The following CCNJL variants were observed in gnomAD, a reference collection of about 807,000 sequenced individuals.
CCNJL encodes cyclin J like.
Under a neutral mutation model 33.4 loss-of-function variants are expected in CCNJL, and 33 were observed. That is an observed-to-expected ratio of 0.99 (90% CI 0.75 to 1.32). CCNJL has a LOEUF of 1.32. CCNJL is among the 40% of genes most tolerant of loss of function. The pLI is 0.00. For synonymous variants in CCNJL, 227 were observed against 220.9 expected (o/e 1.03, Z -0.24); for missense variants, 512 against 499.7 (o/e 1.02, Z -0.23).
intron 1 of CCNJL, among the ~76,000 whole-genome samples, chr5:160,318,900 T>C (rs1763408391): frequency 6.6e-6 from 1 of 152,226 alleles, no homozygotes; most frequent in African/African-American, 2.4e-5. Context: ...CTCTTGCTAA[T>C]ACTTTACATT....
intron 4 of CCNJL, among the ~76,000 whole-genome samples, chr5:160,257,266 G>A (rs561048362): frequency 6.6e-6 from 1 of 151,674 alleles, no homozygotes; most frequent in Non-Finnish European, 1.5e-5. Context: ...ACGAGGTCAG[G>A]AGATCGAGAC....
At chr5:160,267,450 C>T (rs1284042400) in intron 3 of CCNJL, among the ~76,000 whole-genome samples, 1 of 152,194 alleles carries the variant, frequency 6.6e-6, no homozygotes, top group African/African-American at 2.4e-5. Context: ...ACCACAGATC[C>T]TGTTCACCTA....
chr5:160,254,488 G>A lies in CCNJL; in HGVS notation c.744-690C>T, dbSNP rs1049540678. On this transcript the variant is annotated intron_variant, in intron 5 of 5. Transcript: ENST00000257536. ...ACACAAATTTTAAAATAAGGCCTAC[G>A]GAGTAGGACTGACTTTTCAGAGGAA... 8 of 471,454 alleles carry A rather than the reference G, an allele frequency of 1.7e-5. 1 individual carries two copies. Among genetic ancestry groups the A allele is most frequent in the South Asian group, 8.6e-5 (2 of 23,320 alleles). 29.2% of individuals were successfully genotyped at this position (471,454 alleles called of 1,614,324 possible). A position where few individuals can be genotyped will look rare whatever the true frequency, so the allele number is the denominator to read the frequency against.
chr5:160,263,337 TCTG>T (rs1247117679), intron 3 of CCNJL, among the ~76,000 whole-genome samples: 3 of 152,236 alleles, frequency 2.0e-5, no homozygotes, highest in African/African-American at 4.8e-5. Flanking sequence ...TCAGTCCACA[TCTG>T]ACTTTCTCCA....
At chr5:160,322,114 G>GATC (rs1423728855) in intron 1 of CCNJL, among the ~76,000 whole-genome samples, 3 of 152,186 alleles carry the variant, frequency 2.0e-5, no homozygotes, top group African/African-American at 7.2e-5. Flanking sequence ...GAGCCTATAG[G>GATC]ATCTGCTGAT....
intron 2 of CCNJL, among the ~76,000 whole-genome samples, chr5:160,284,169 T>C (rs997888919): frequency 2.6e-5 from 4 of 151,944 alleles, no homozygotes; most frequent in Admixed American, 6.6e-5. Context: ...CTGGGCAACA[T>C]GGCAAAACCC....
chr5:160,303,748 T>A (rs1345921277), intron 2 of CCNJL, among the ~76,000 whole-genome samples: 2 of 139,034 alleles, frequency 1.4e-5, no homozygotes, highest in Non-Finnish European at 1.6e-5. Context: ...GTGTGTGTAA[T>A]AACTCAAAAA....
intron 1 of CCNJL, among the ~76,000 whole-genome samples, chr5:160,336,205 G>A (rs141116772): frequency 2.3e-3 from 358 of 152,342 alleles, no homozygotes; most frequent in African/African-American, 7.5e-3. Context: ...GTTGATGACA[G>A]TCCTCAAAAG....
chr5:160,299,645 A>G (rs919027776), intron 2 of CCNJL, among the ~76,000 whole-genome samples: 3 of 150,422 alleles, frequency 2.0e-5, no homozygotes, highest in African/African-American at 7.3e-5. Context: ...TGGTAGTGCC[A>G]TTTATGGGTA....
Position 160,251,188 on chromosome 5 carries a change from T to A in CCNJL, c.*2190A>T, listed in dbSNP as rs1160001815. On this transcript the variant is annotated 3_prime_UTR_variant, in exon 6 of 6. Transcript: ENST00000257536. ...GGTAAAAGGTCGTAAGAGCAAAGAT[T>A]GAGGTTTCCTGGAGAATAAATTTTG... The A allele has an allele frequency of 6.6e-6, 1 of 152,228 alleles. No individual in the cohort carries two copies. Among genetic ancestry groups the A allele is most frequent in the East Asian group, 1.9e-4 (1 of 5,200 alleles). The allele number at this position is 152,228 out of a possible 1,614,324, so 9.4% of individuals were successfully genotyped here.
chr5:160,309,351 C>G (rs1763193810), intron 2 of CCNJL, among the ~76,000 whole-genome samples: 1 of 152,148 alleles, frequency 6.6e-6, no homozygotes. Context: ...ACTGGGGCTC[C>G]CAACGTCTCA....
At chr5:160,292,667 T>C (rs10069206) in intron 2 of CCNJL, among the ~76,000 whole-genome samples, 20,812 of 144,252 alleles carry the variant, frequency 0.14, 1,444 homozygotes, top group African/African-American at 0.19. Flanking sequence ...CATGTGTGTG[T>C]ATATATATAT....
intron 3 of CCNJL, among the ~76,000 whole-genome samples, chr5:160,261,577 T>A (rs1162840686): frequency 6.6e-6 from 1 of 152,030 alleles, no homozygotes; most frequent in Non-Finnish European, 1.5e-5. Context: ...AATCCCAGGG[T>A]TGAGGCTCTG....
At chr5:160,320,854 T>TTTCC (rs1561812566) in intron 1 of CCNJL, among the ~76,000 whole-genome samples, 8 of 139,884 alleles carry the variant, frequency 5.7e-5, no homozygotes, top group African/African-American at 8.2e-5. Context: ...TCTTTCCTTC[T>TTTCC]TTCTTTCTTT....
At chr5:160,293,376 G>A (rs568201996) in intron 2 of CCNJL, among the ~76,000 whole-genome samples, 2 of 152,306 alleles carry the variant, frequency 1.3e-5, no homozygotes, top group East Asian at 3.9e-4. Flanking sequence ...GCAGTGGGCT[G>A]CATTCCAGCC....
chr5:160,310,855 AGAAG>A (rs1304536161), intron 2 of CCNJL, among the ~76,000 whole-genome samples: 1 of 152,204 alleles, frequency 6.6e-6, no homozygotes, highest in African/African-American at 2.4e-5. Context: ...AGCAAATTTA[AGAAG>A]GAAGAAGGAA....
At chr5:160,307,968 C>T (rs1367971693) in intron 2 of CCNJL, among the ~76,000 whole-genome samples, 1 of 152,176 alleles carries the variant, frequency 6.6e-6, no homozygotes, top group African/African-American at 2.4e-5. Flanking sequence ...CCAATGGGGT[C>T]TCACTCCTGG....
intron 2 of CCNJL, among the ~76,000 whole-genome samples, chr5:160,293,062 C>T (rs1362131653): frequency 6.6e-6 from 1 of 152,228 alleles, no homozygotes; most frequent in Non-Finnish European, 1.5e-5. Flanking sequence ...ACACTATGTT[C>T]TCAAAACACT....
At chr5:160,330,692 C>A (rs1352640110) in intron 1 of CCNJL, among the ~76,000 whole-genome samples, 1 of 150,462 alleles carries the variant, frequency 6.6e-6, no homozygotes, top group Non-Finnish European at 1.5e-5. Flanking sequence ...GAGACAGAGT[C>A]TCCCTCTGTT....
Sources: gnomAD v4.1 joint callset for allele counts (sites outside exome capture counted in the v4.1 genomes callset) on GRCh38, gnomAD v4.1.1 for gene constraint, MANE v1.5 for transcripts, NCBI Gene and HGNC (gene_info 2026-07-23, HGNC 2026-07-21) for gene names.